MAGI1: variants seen among roughly 807,000 people sequenced by gnomAD.
MAGI1 encodes the protein membrane associated guanylate kinase, WW and PDZ domain containing 1, also known as membrane-associated guanylate kinase, WW and PDZ domain-containing protein 1.
Under a neutral mutation model 139.9 loss-of-function variants are expected in MAGI1, and 58 were observed. The ratio of observed to expected loss-of-function variants is 0.41; its 90% CI spans 0.34 to 0.52. The LOEUF is 0.52. Ranked by LOEUF, MAGI1 falls within the 20% of genes least tolerant of loss-of-function variation. The pLI is 0.12. For synonymous variants in MAGI1, 812 were observed against 737.9 expected (o/e 1.10, Z -1.63); for missense variants, 1,874 against 1,901.6 (o/e 0.99, Z 0.27).
chr3:65,685,844 A>G (rs2087980176), intron 1 of MAGI1, among the ~76,000 whole-genome samples: 1 of 152,208 alleles, frequency 6.6e-6, no homozygotes, highest in Non-Finnish European at 1.5e-5. Flanking sequence ...ACAGAAATTA[A>G]GCTGGAAAAA....
chr3:65,842,976 CA>C (rs960028348), intron 1 of MAGI1, among the ~76,000 whole-genome samples: 1 of 152,082 alleles, frequency 6.6e-6, no homozygotes, highest in Non-Finnish European at 1.5e-5. Flanking sequence ...TCTCCCCTAC[CA>C]AAAAATCTCT....
intron 1 of MAGI1, among the ~76,000 whole-genome samples, chr3:65,693,028 C>T (rs1163033253): frequency 6.6e-6 from 1 of 152,092 alleles, no homozygotes; most frequent in Non-Finnish European, 1.5e-5. Flanking sequence ...ACTTCCTGGG[C>T]TCAAGTGATC....
chr3:65,937,763 CA>C (rs1049827563), intron 1 of MAGI1, among the ~76,000 whole-genome samples: 1 of 150,834 alleles, frequency 6.6e-6, no homozygotes, highest in African/African-American at 2.4e-5. Context: ...GGTTTGACAC[CA>C]AAAAAAGGGA....
At chr3:65,725,587 A>G (rs561080256) in intron 1 of MAGI1, among the ~76,000 whole-genome samples, 1 of 152,324 alleles carries the variant, frequency 6.6e-6, no homozygotes, top group African/African-American at 2.4e-5. Context: ...GCAAGTAGGC[A>G]TGTGGACTCA....
At chr3:65,651,586 C>T (rs1426892472) in intron 1 of MAGI1, among the ~76,000 whole-genome samples, 1 of 152,082 alleles carries the variant, frequency 6.6e-6, no homozygotes, top group Non-Finnish European at 1.5e-5. Flanking sequence ...TCAGCATCCA[C>T]CAGACAATGA....
chr3:65,665,803 TA>T (rs1488724515), intron 1 of MAGI1, among the ~76,000 whole-genome samples: 1 of 152,176 alleles, frequency 6.6e-6, no homozygotes, highest in Non-Finnish European at 1.5e-5. Context: ...CTAAATGTTT[TA>T]AAGGCTCCTC....
chr3:65,771,112 G>A (rs1362716947), intron 1 of MAGI1, among the ~76,000 whole-genome samples: 1 of 151,858 alleles, frequency 6.6e-6, no homozygotes, highest in African/African-American at 2.4e-5. Context: ...TTCGAGACCA[G>A]CCTGGCCAAC....
intron 1 of MAGI1, among the ~76,000 whole-genome samples, chr3:65,996,473 G>A (rs1010463088): frequency 1.4e-5 from 2 of 142,926 alleles, no homozygotes. Context: ...GCTGCCAAAT[G>A]GCAAGTAAAA....
At chr3:65,375,010 C>T (rs1217252689) in intron 18 of MAGI1, among the ~76,000 whole-genome samples, 2 of 152,130 alleles carry the variant, frequency 1.3e-5, no homozygotes. Context: ...TTCTAAAAAA[C>T]CATAGTACTG....
intron 1 of MAGI1, among the ~76,000 whole-genome samples, chr3:65,756,357 T>C (rs1168611307): frequency 1.3e-5 from 2 of 152,144 alleles, no homozygotes; most frequent in African/African-American, 4.8e-5. Flanking sequence ...GTGATGGGGA[T>C]CTAAAGAAAA....
intron 1 of MAGI1, among the ~76,000 whole-genome samples, chr3:65,994,439 C>A (rs2066338090): frequency 1.3e-5 from 2 of 152,140 alleles, no homozygotes; most frequent in African/African-American, 4.8e-5. Context: ...ATGCTAAGCA[C>A]CCCCTGAGGT....
At chr3:65,473,543 C>T (rs898431597) in intron 4 of MAGI1, among the ~76,000 whole-genome samples, 1 of 147,648 alleles carries the variant, frequency 6.8e-6, no homozygotes, top group African/African-American at 2.5e-5. Context: ...TTTAATTAAC[C>T]TATTTTAATA....
intron 2 of MAGI1, among the ~76,000 whole-genome samples, chr3:65,616,896 A>G (rs1053391989): frequency 6.6e-6 from 1 of 152,228 alleles, no homozygotes; most frequent in Non-Finnish European, 1.5e-5. Flanking sequence ...TCTAATTGTC[A>G]AAGATCACAG....
At chr3:65,827,926 A>G (rs2042317729) in intron 1 of MAGI1, among the ~76,000 whole-genome samples, 1 of 152,222 alleles carries the variant, frequency 6.6e-6, no homozygotes, top group Admixed American at 6.5e-5. Context: ...CTTTATGTCT[A>G]TCATGAAAAC....
chr3:65,957,446 G>A (rs748388220), intron 1 of MAGI1, among the ~76,000 whole-genome samples: 4 of 150,638 alleles, frequency 2.7e-5, no homozygotes, highest in Admixed American at 1.3e-4. Context: ...GCTTGAGCCT[G>A]GGAGGTGGAG....
intron 1 of MAGI1, among the ~76,000 whole-genome samples, chr3:66,018,825 T>C (rs1169968829): frequency 2.0e-5 from 3 of 152,192 alleles, no homozygotes; most frequent in Non-Finnish European, 2.9e-5. Flanking sequence ...TTGTCAAGTT[T>C]TGCAAGAATG....
At chr3:65,704,340 A>G (rs536221299) in intron 1 of MAGI1, among the ~76,000 whole-genome samples, 4 of 152,164 alleles carry the variant, frequency 2.6e-5, no homozygotes, top group Non-Finnish European at 5.9e-5. Context: ...TTACCAAATG[A>G]GCACCAGCCC....
intron 1 of MAGI1, chr3:65,718,376 T>C (rs190943904): frequency 1.4e-4 from 22 of 152,222 alleles, no homozygotes; most frequent in African/African-American, 4.1e-4. Flanking sequence ...CAGCACGAGA[T>C]GGAGATGAAC....
chr3:65,409,099 G>C (rs1337895278), intron 12 of MAGI1, among the ~76,000 whole-genome samples: 1 of 152,196 alleles, frequency 6.6e-6, no homozygotes, highest in Non-Finnish European at 1.5e-5. Context: ...TGAAGTATGA[G>C]AAGGAACCAG....
Sources: allele counts gnomAD v4.1 joint callset (sites outside exome capture counted in the v4.1 genomes callset), GRCh38; gene constraint gnomAD v4.1.1; transcripts MANE v1.5; gene names NCBI Gene and HGNC (gene_info 2026-07-23, HGNC 2026-07-21).